The following UBA3 variants were observed in gnomAD, a reference collection of about 807,000 sequenced individuals.
UBA3 encodes the protein ubiquitin like modifier activating enzyme 3.
UBA3 carries 26 observed loss-of-function variants against 73.5 expected under a neutral mutation model. The ratio of observed to expected loss-of-function variants is 0.35; its 90% CI spans 0.26 to 0.49. UBA3 has a LOEUF of 0.49. UBA3 is among the 20% of genes least tolerant of loss of function. The pLI, the probability that UBA3 is intolerant of heterozygous loss-of-function variation, is 0.98. For missense variants in UBA3, 495 were observed against 555.6 expected (o/e 0.89, Z 1.10); for synonymous variants, 217 against 191.2 (o/e 1.13, Z -1.11).
intron 6 of UBA3, among the ~76,000 whole-genome samples, chr3:69,066,444 GTTTTTT>G (rs11413559): frequency 6.7e-6 from 1 of 149,584 alleles, no homozygotes; most frequent in South Asian, 2.1e-4. Context: ...GGTTTTTTGT[GTTTTTT>G]TTTGTTTTTT....
At position 69,080,150 on chromosome 3, in the gene UBA3, C is replaced by T; in HGVS notation, c.24G>A (p.Glu8=). ...GCTCCTCTATTCTCCTTCTTTTCTT[C>T]TCCCTAAAAGAGAGAATAAAAGAAG... MADGEEP[E]KKRRRIEELL... Residue 8 remains glutamate (E), a synonymous_variant, in exon 2 of 18, where the codon GAG becomes GAA. Coordinates refer to ENST00000361055, the MANE Select transcript of UBA3 (RefSeq NM_003968.4). 2 of 1,609,374 alleles carry T rather than the reference C, an allele frequency of 1.2e-6. No homozygotes were observed. The highest frequency in any genetic ancestry group is 1.7e-6 in the Non-Finnish European group (2 of 1,178,916).
chr3:69,077,716 G>A, intron 3 of UBA3, 82 bp downstream of exon 3: 1 of 1,378,438 alleles, frequency 7.3e-7, no homozygotes, highest in South Asian at 1.7e-5. Context: ...TTCATTGTAA[G>A]AGCAAATTAA....
At chr3:69,071,149 C>T (rs1010204696) in intron 5 of UBA3, 3 of 161,454 alleles carry the variant, frequency 1.9e-5, no homozygotes, top group African/African-American at 7.2e-5. Context: ...CAAACCTTGG[C>T]TCACAAATCC....
intron 2 of UBA3, chr3:69,079,820 G>C (rs1004322137): frequency 4.7e-6 from 2 of 429,222 alleles, no homozygotes; most frequent in African/African-American, 4.2e-5. Flanking sequence ...GATGGAGGAA[G>C]AGGAGTGCAC....
In UBA3 at chr3:69,067,966, T is replaced by C; in HGVS notation, c.390A>G (p.Glu130=). The C allele has an allele frequency of 3.7e-6, 6 of 1,607,650 alleles. No homozygotes were observed. The highest frequency in any genetic ancestry group is 5.1e-6 in the Non-Finnish European group (6 of 1,176,700). The change falls in exon 6 of 18, where the codon GAA becomes GAG. Residue 130 remains glutamate (E), a synonymous_variant. Transcript: ENST00000361055. ...AATTAGGAACTCTGTCATTTAGAAATTCTGCAGCAACTTCAGCCTTAGGTC... is the reference window on the plus strand; with the variant it reads ...AATTAGGAACTCTGTCATTTAGAAACTCTGCAGCAACTTCAGCCTTAGGTC... ...IGRPKAEVAA[E]FLNDRVPNCN...
At chr3:69,059,189 G>A (rs2092001168) in intron 11 of UBA3, among the ~76,000 whole-genome samples, 1 of 152,244 alleles carries the variant, frequency 6.6e-6, no homozygotes. Flanking sequence ...AATGAGGTAT[G>A]TGTTAGACTG....
rs559887275 is a variant in UBA3 at position 69,079,159 on chromosome 3, A to G, written c.62+953T>C. On this transcript the variant is annotated intron_variant, in intron 2 of 17. Transcript: ENST00000361055. ...TGAGCAGATTACTTAATAGACATAA[A>G]CCTCATCTGCAGGCCGTTCATAGCT... Among the ~76,000 whole-genome samples the G allele has an allele frequency of 5.3e-5, 8 of 152,254 alleles. 1 individual carries two copies. Among genetic ancestry groups the G allele is most frequent in the African/African-American group, 1.4e-4 (6 of 41,542 alleles).
chr3:69,067,834 C>T lies in UBA3; in HGVS notation c.428+94G>A. The T allele has an allele frequency of 7.8e-6, 7 of 893,986 alleles. No individual in the cohort carries two copies. The Admixed American group carries it at 1.1e-4, about 14-fold the overall frequency. 55.4% of individuals were successfully genotyped at this position (893,986 alleles called of 1,614,324 possible). On this transcript the variant is annotated intron_variant, in intron 6 of 17. Transcript: ENST00000361055. ...AGTTACTACTGCTGACTTTTTTTCC[C>T]TCTTGCTTATCTGTATTCTCTGTTA...
At chr3:69,068,545 GA>G (rs35335070) in intron 5 of UBA3, among the ~76,000 whole-genome samples, 26,284 of 128,890 alleles carry the variant, frequency 0.2, 2,486 homozygotes, top group East Asian at 0.3. Flanking sequence ...ATATAAAATG[GA>G]AAAAAAAAAA....
At chr3:69,079,011 G>A (rs1443692542) in intron 2 of UBA3, among the ~76,000 whole-genome samples, 1 of 152,050 alleles carries the variant, frequency 6.6e-6, no homozygotes, top group South Asian at 2.1e-4. Flanking sequence ...AGTTTCTACC[G>A]TCAAATATAT....
chr3:69,065,785 T>C (rs1009315755), intron 6 of UBA3, among the ~76,000 whole-genome samples: 8 of 151,826 alleles, frequency 5.3e-5, no homozygotes, highest in African/African-American at 1.9e-4. Context: ...ATAAACAGAA[T>C]CATGCAGTAT....
chr3:69,078,879 C>G (rs956960890), intron 2 of UBA3, among the ~76,000 whole-genome samples: 1 of 152,128 alleles, frequency 6.6e-6, no homozygotes, highest in South Asian at 2.1e-4. Flanking sequence ...CATCTACAAA[C>G]CTTTTAGAAC....
Position 69,067,918 on chromosome 3 carries a change from A to G in UBA3, c.428+10T>C. The G allele has an allele frequency of 6.3e-7, 1 of 1,588,144 alleles. No homozygotes were observed. ...AAAATTAAGTAATTTTCTTTTTGTC[A>G]AAAGGATACGGAACTACATTGCAAT... On this transcript the variant is annotated intron_variant, in intron 6 of 17. Coordinates refer to ENST00000361055, the MANE Select transcript of UBA3 (RefSeq NM_003968.4).
intron 6 of UBA3, among the ~76,000 whole-genome samples, chr3:69,066,771 G>C (rs1488068833): frequency 2.0e-5 from 3 of 152,114 alleles, no homozygotes; most frequent in African/African-American, 7.2e-5. Context: ...TCCATTTTGA[G>C]TTAATTTTGT....
Position 69,074,704 on chromosome 3 carries a change from C to T in UBA3, c.264+726G>A, listed in dbSNP as rs1339274136. Among the ~76,000 whole-genome samples, 5 of 152,100 alleles carry T rather than the reference C, an allele frequency of 3.3e-5. No homozygotes were observed. The East Asian group carries it at 5.8e-4, about 18-fold the overall frequency. ...CAATTCTGCCTCTACTCATTTGTTA[C>T]ATAAACTCATTAAAATTTATAGAAA... On this transcript the variant is annotated intron_variant, in intron 4 of 17. Transcript: ENST00000361055.
Position 69,080,092 on chromosome 3 carries a change from G to A in UBA3, c.62+20C>T, listed in dbSNP as rs1243485255. 2 of 1,605,960 alleles carry A rather than the reference G, an allele frequency of 1.2e-6. No homozygotes were observed. The highest frequency in any genetic ancestry group is 1.7e-6 in the Non-Finnish European group (2 of 1,177,270). On this transcript the variant is annotated intron_variant, in intron 2 of 17. Transcript: ENST00000361055. ...GGCGGGGGTCCCCGGAGAGGGCCCC[G>A]GCCTCCCGGCAGCACTAACTTCTCA...
Position 69,057,467 on chromosome 3 carries a change from C to T in UBA3, c.911-158G>A, listed in dbSNP as rs537221370. The stretch of plus-strand genomic sequence containing the variant: ...TAACCATGAAACAATCTTTCACATC[C>T]CCATCACTTTGTAGTAAATTCAGAA... On this transcript the variant is annotated intron_variant, in intron 11 of 17. Coordinates refer to ENST00000361055, the MANE Select transcript of UBA3 (RefSeq NM_003968.4). Among the ~76,000 whole-genome samples the T allele has an allele frequency of 3.9e-5, 6 of 152,258 alleles. No homozygotes were observed. The East Asian group carries it at 1.2e-3, about 29-fold the overall frequency.
rs759699588 is a variant in UBA3 at position 69,061,839 on chromosome 3, C to T, written c.885G>A (p.Arg295=). The T allele has an allele frequency of 6.2e-7, 1 of 1,608,010 alleles. No homozygotes were observed. The part of the protein sequence containing the change: ...SLERASQYNI[R]GVTYRLTQGV... ...CTTGAGTGAGCCTATACGTAACACC[C>T]CTAATATTATATTGTGATGCTCTCT... The change falls in exon 11 of 18, where the codon AGG becomes AGA. Residue 295 remains arginine (R), a synonymous_variant. Coordinates refer to ENST00000361055, the MANE Select transcript of UBA3 (RefSeq NM_003968.4).
intron 16 of UBA3, 38 bp from the exon 17 acceptor site, chr3:69,055,943 A>C: frequency 6.3e-7 from 1 of 1,596,666 alleles, no homozygotes; most frequent in South Asian, 1.1e-5. Flanking sequence ...GACACATTAA[A>C]GTAAAATAAA....
Sources: allele counts gnomAD v4.1 joint callset (sites outside exome capture counted in the v4.1 genomes callset), GRCh38; gene constraint gnomAD v4.1.1; transcripts MANE v1.5; gene names NCBI Gene and HGNC (gene_info 2026-07-23, HGNC 2026-07-21).